MMP26: variants seen among roughly 807,000 people sequenced by gnomAD.
The protein encoded by MMP26 is matrix metallopeptidase 26.
A neutral mutation model predicts 31.0 loss-of-function variants in MMP26; 33 were observed. The ratio of observed to expected loss-of-function variants is 1.06; its 90% CI spans 0.81 to 1.42. MMP26 has a LOEUF of 1.42. Ranked by LOEUF, MMP26 falls within the 40% of genes most tolerant of loss-of-function variation. MMP26 has a pLI of 0.00. For missense variants in MMP26, 347 were observed against 316.1 expected (o/e 1.10, Z -0.74); for synonymous variants, 122 against 114.9 (o/e 1.06, Z -0.40).
At chr11:4,728,067 T>G (rs1848127132) in intron 1 of MMP26, among the ~76,000 whole-genome samples, 1 of 152,200 alleles carries the variant, frequency 6.6e-6, no homozygotes, top group African/African-American at 2.4e-5. Context: ...TCTAAATTAT[T>G]AACTTGTAAA....
At chr11:4,859,530 T>C (rs1348885385) in intron 2 of MMP26, 1 of 361,798 alleles carries the variant, frequency 2.8e-6, no homozygotes, top group Non-Finnish European at 5.5e-6. Flanking sequence ...CAAAATTTGA[T>C]GCACCATAAC....
chr11:4,733,228 G>T (rs1848196852), intron 1 of MMP26, among the ~76,000 whole-genome samples: 1 of 152,182 alleles, frequency 6.6e-6, no homozygotes, highest in Non-Finnish European at 1.5e-5. Flanking sequence ...CATTACATTT[G>T]TAGACCAACT....
intron 2 of MMP26, among the ~76,000 whole-genome samples, chr11:4,849,504 C>T (rs2133498680): frequency 6.6e-6 from 1 of 152,184 alleles, no homozygotes; most frequent in East Asian, 1.9e-4. Flanking sequence ...CTTGCCTCTC[C>T]CTGTAGTGTT....
Position 4,921,344 on chromosome 11 carries a change from A to G in MMP26, c.-144-66724A>G, listed in dbSNP as rs1044149685. 9.8e-5 allele frequency among the ~76,000 whole-genome samples: 15 copies of G among 152,376 alleles called. No individual in the cohort carries two copies. In the South Asian group the frequency reaches 1.4e-3, roughly 15 times the overall value. Reference sequence around the variant, plus strand: ...CTGACTTTTCCAAAAGAGGCCCAGCATGAGTAAGTGGACTAGGTTGTAAAC... The same window carrying G: ...CTGACTTTTCCAAAAGAGGCCCAGCGTGAGTAAGTGGACTAGGTTGTAAAC... On this transcript the variant is annotated intron_variant, in intron 2 of 7. Transcript: ENST00000380390.
intron 2 of MMP26, among the ~76,000 whole-genome samples, chr11:4,917,468 T>C (rs1436582261): frequency 2.6e-5 from 4 of 152,222 alleles, no homozygotes; most frequent in Non-Finnish European, 5.9e-5. Flanking sequence ...TTGCTGATTC[T>C]TTAGCTGAAT....
At chr11:4,968,015 A>T (rs1337350585) in intron 2 of MMP26, among the ~76,000 whole-genome samples, 1 of 152,142 alleles carries the variant, frequency 6.6e-6, no homozygotes, top group Non-Finnish European at 1.5e-5. Flanking sequence ...GAGTTCATTC[A>T]GTCCCATGTA....
chr11:4,846,182 A>G (rs1849864095), intron 2 of MMP26, among the ~76,000 whole-genome samples: 1 of 152,212 alleles, frequency 6.6e-6, no homozygotes, highest in Non-Finnish European at 1.5e-5. Context: ...ATAGATAAAG[A>G]AAATGTGCTA....
At chr11:4,830,089 C>A (rs1239826853) in intron 2 of MMP26, 1 of 152,088 alleles carries the variant, frequency 6.6e-6, no homozygotes, top group Non-Finnish European at 1.5e-5. Context: ...CCTATTAATT[C>A]TCAGGAGGGT....
chr11:4,852,092 G>A (rs1032298192), intron 2 of MMP26, among the ~76,000 whole-genome samples: 1 of 151,872 alleles, frequency 6.6e-6, no homozygotes, highest in African/African-American at 2.4e-5. Context: ...AAGTAAGAAG[G>A]TCGAAAATTA....
chr11:4,818,907 A>G (rs940445707), intron 2 of MMP26, among the ~76,000 whole-genome samples: 3 of 152,212 alleles, frequency 2.0e-5, no homozygotes, highest in Admixed American at 2.0e-4. Flanking sequence ...GAGTGAATAC[A>G]TTTGGAAAAG....
intron 1 of MMP26, among the ~76,000 whole-genome samples, chr11:4,737,783 C>T (rs143405570): frequency 9.9e-5 from 15 of 152,140 alleles, no homozygotes; most frequent in African/African-American, 3.6e-4. Flanking sequence ...TTGAAAATAC[C>T]GTAAGTTAAT....
chr11:4,707,592 G>A (rs1847796928), intron 1 of MMP26, among the ~76,000 whole-genome samples: 1 of 152,074 alleles, frequency 6.6e-6, no homozygotes, highest in South Asian at 2.1e-4. Context: ...TTTATCACTA[G>A]GTCCAAATCT....
At chr11:4,785,744 G>A (rs1306980302) in intron 2 of MMP26, among the ~76,000 whole-genome samples, 1 of 152,168 alleles carries the variant, frequency 6.6e-6, no homozygotes, top group Non-Finnish European at 1.5e-5. Context: ...GACTGAAGCA[G>A]GAGATAACTA....
At chr11:4,838,652 A>C (rs1209944281) in intron 2 of MMP26, among the ~76,000 whole-genome samples, 1 of 152,134 alleles carries the variant, frequency 6.6e-6, no homozygotes, top group East Asian at 1.9e-4. Flanking sequence ...TTAAATCCAT[A>C]CTAGTGCACT....
At chr11:4,882,521 C>T (rs909514304) in intron 2 of MMP26, 3 of 1,613,898 alleles carry the variant, frequency 1.9e-6, no homozygotes, top group Non-Finnish European at 2.5e-6. Context: ...TCAGCTCTAC[C>T]TGAATGGCAC....
At chr11:4,868,027 T>C (rs1850260476) in intron 2 of MMP26, among the ~76,000 whole-genome samples, 1 of 151,968 alleles carries the variant, frequency 6.6e-6, no homozygotes, top group African/African-American at 2.4e-5. Context: ...ATAAAGAAAA[T>C]GTGGTATAGA....
Position 4,855,763 on chromosome 11 carries a change from A to G in MMP26, c.-145+88422A>G, listed in dbSNP as rs542645639. Among the ~76,000 whole-genome samples the G allele has an allele frequency of 5.8e-4, 89 of 152,318 alleles. 1 individual carries two copies. The South Asian group carries it at 0.013, about 22-fold the overall frequency. On this transcript the variant is annotated intron_variant, in intron 2 of 7. Coordinates refer to ENST00000380390, the MANE Select transcript of MMP26 (RefSeq NM_021801.5). ...CTCGAGAAGAGCAACTCCAAGACAC[A>G]TAACTGTCAGATTCACCAAAGTTGA...
At chr11:4,846,120 G>A (rs965573104) in intron 2 of MMP26, among the ~76,000 whole-genome samples, 5 of 152,114 alleles carry the variant, frequency 3.3e-5, no homozygotes, top group Admixed American at 2.6e-4. Context: ...GCTGCAGCAT[G>A]GTTCACAATA....
intron 2 of MMP26, among the ~76,000 whole-genome samples, chr11:4,902,547 T>A (rs1348575093): frequency 6.6e-6 from 1 of 152,180 alleles, no homozygotes; most frequent in Non-Finnish European, 1.5e-5. Flanking sequence ...TTTCATGTCT[T>A]TGCTATTGTT....
Sources: allele counts gnomAD v4.1 joint callset (sites outside exome capture counted in the v4.1 genomes callset), GRCh38; gene constraint gnomAD v4.1.1; transcripts MANE v1.5; gene names NCBI Gene and HGNC (gene_info 2026-07-23, HGNC 2026-07-21).